The following SPATA1 variants were observed in gnomAD, a reference collection of about 807,000 sequenced individuals.
SPATA1 encodes the protein spermatogenesis associated 1.
SPATA1 carries 57 observed loss-of-function variants against 59.6 expected under a neutral mutation model. The observed-to-expected ratio is 0.96, with a 90% CI of 0.77 to 1.19. SPATA1 has a LOEUF of 1.19. Ranked by LOEUF, SPATA1 falls within the 50% of genes most tolerant of loss-of-function variation. The probability of loss-of-function intolerance (pLI) is 0.00; values close to 1 mark genes in which losing one functional copy is unlikely to be tolerated. For missense variants in SPATA1, 448 were observed against 480.7 expected (o/e 0.93, Z 0.64); for synonymous variants, 147 against 163.9 (o/e 0.90, Z 0.79).
chr1:84,556,656 A>C (rs544438113), downstream of SPATA1, among the ~76,000 whole-genome samples: 334 of 150,132 alleles, frequency 2.2e-3, 4 homozygotes, highest in African/African-American at 7.9e-3. Context: ...AGGTTGCAGT[A>C]AGCTGAGATC....
Position 84,511,262 on chromosome 1 carries a change from A to G in SPATA1, c.-138+4844A>G, listed in dbSNP as rs184065450. ...CTGTATCAAAATATTTCATGTACCC[A>G]TAAATATATACACCTACTACATGCC... On this transcript the variant is annotated intron_variant, in intron 1 of 12. Coordinates refer to ENST00000490879, the Ensembl canonical transcript of SPATA1. Among the ~76,000 whole-genome samples the G allele has an allele frequency of 2.7e-3, 411 of 152,324 alleles. 2 individuals are homozygous for G. The highest frequency in any genetic ancestry group is 4.7e-3 in the Non-Finnish European group (323 of 68,020).
chr1:84,564,664 T>G (rs1684657989), intron 4 of SPATA1, among the ~76,000 whole-genome samples: 1 of 152,156 alleles, frequency 6.6e-6, no homozygotes, highest in Non-Finnish European at 1.5e-5. Flanking sequence ...TAGAACATAA[T>G]TATAATGTCT....
At chr1:84,552,619 T>C (rs1040828548) in intron 12 of SPATA1, 1 of 154,752 alleles carries the variant, frequency 6.5e-6, no homozygotes, top group African/African-American at 2.4e-5. Context: ...AAACACTATA[T>C]TTCTGAAATA....
chr1:84,511,603 T>A (rs562445839), intron 1 of SPATA1, among the ~76,000 whole-genome samples: 14 of 151,496 alleles, frequency 9.2e-5, no homozygotes, highest in Admixed American at 4.6e-4. Context: ...GTTCTAGAAG[T>A]CTAACTACTA....
intron 6 of SPATA1, among the ~76,000 whole-genome samples, chr1:84,528,630 T>C (rs910477659): frequency 2.0e-5 from 3 of 152,214 alleles, no homozygotes; most frequent in African/African-American, 7.2e-5. Context: ...CTGATGGACA[T>C]TTGGTTTGTT....
chr1:84,537,216 G>A (rs934668820), intron 8 of SPATA1, among the ~76,000 whole-genome samples: 1 of 152,120 alleles, frequency 6.6e-6, no homozygotes, highest in Non-Finnish European at 1.5e-5. Flanking sequence ...CCCCGAAGAA[G>A]CCAATTTACA....
intron 8 of SPATA1, among the ~76,000 whole-genome samples, chr1:84,541,154 G>GT (rs1389837078): frequency 6.6e-6 from 1 of 152,194 alleles, no homozygotes; most frequent in African/African-American, 2.4e-5. Context: ...TTCCTTTAAT[G>GT]TGTAATAGTT....
intron 1 of SPATA1, among the ~76,000 whole-genome samples, chr1:84,508,895 A>G (rs547107655): frequency 1.9e-4 from 29 of 152,298 alleles, no homozygotes; most frequent in African/African-American, 6.7e-4. Context: ...ACCATAAAAC[A>G]CTGATGCAAG....
chr1:84,545,216 CA>C (rs1010203754), intron 9 of SPATA1, among the ~76,000 whole-genome samples: 2 of 147,588 alleles, frequency 1.4e-5, no homozygotes, highest in African/African-American at 5.0e-5. Context: ...GACTCCATCT[CA>C]AAAAAATATA....
downstream of SPATA1, among the ~76,000 whole-genome samples, chr1:84,558,873 C>A (rs1018565667): frequency 6.6e-6 from 1 of 151,972 alleles, no homozygotes; most frequent in African/African-American, 2.4e-5. Context: ...TGCACTCCAT[C>A]CTGGGTGACA....
intron 8 of SPATA1, among the ~76,000 whole-genome samples, chr1:84,542,899 A>G (rs1056610018): frequency 6.6e-6 from 1 of 152,178 alleles, no homozygotes; most frequent in Non-Finnish European, 1.5e-5. Context: ...CCCCCTGTGG[A>G]TGCCTGAAAA....
intron 4 of SPATA1, among the ~76,000 whole-genome samples, chr1:84,560,685 C>G (rs1040763532): frequency 2.0e-5 from 3 of 152,262 alleles, no homozygotes; most frequent in African/African-American, 7.2e-5. Context: ...CAGGCTGATT[C>G]TCTTGTTAGG....
At chr1:84,510,885 A>T (rs1682508723) in intron 1 of SPATA1, among the ~76,000 whole-genome samples, 1 of 152,184 alleles carries the variant, frequency 6.6e-6, no homozygotes, top group Admixed American at 6.5e-5. Flanking sequence ...ACTGGATGTC[A>T]TTATGTTAAG....
chr1:84,556,501 G>A (rs951457758), downstream of SPATA1, among the ~76,000 whole-genome samples: 31 of 151,802 alleles, frequency 2.0e-4, no homozygotes, highest in East Asian at 1.6e-3. Context: ...TCATGAGGTC[G>A]AGAGATCGAG....
chr1:84,513,532 T>C (rs903135696), intron 1 of SPATA1, among the ~76,000 whole-genome samples: 1 of 152,200 alleles, frequency 6.6e-6, no homozygotes, highest in African/African-American at 2.4e-5. Context: ...AAGAGCAACA[T>C]AGAGCAGCAG....
chr1:84,548,643 A>AAAGG, intron 10 of SPATA1, 143 bp from the exon 11 acceptor site: 3 of 1,043,250 alleles, frequency 2.9e-6, no homozygotes, highest in Non-Finnish European at 3.7e-6. Context: ...GTATATAAAA[A>AAAGG]AAGGAGAAGA....
intron 4 of SPATA1, among the ~76,000 whole-genome samples, chr1:84,565,250 G>A (rs1437492070): frequency 2.0e-5 from 3 of 151,710 alleles, no homozygotes; most frequent in Non-Finnish European, 4.4e-5. Flanking sequence ...CTTTTATTTA[G>A]TTGACTGATG....
At chr1:84,559,283 T>C (rs1264703497), downstream of SPATA1, among the ~76,000 whole-genome samples, 2 of 152,184 alleles carry the variant, frequency 1.3e-5, no homozygotes, top group Admixed American at 6.5e-5. Flanking sequence ...GATGCTACTA[T>C]TGTAATTGTT....
intron 4 of SPATA1, among the ~76,000 whole-genome samples, chr1:84,523,719 C>T (rs1004720061): frequency 5.9e-5 from 9 of 152,098 alleles, no homozygotes; most frequent in Non-Finnish European, 2.9e-5. Context: ...TATCAGAGTT[C>T]TATTTGGTAC....
Sources: allele counts gnomAD v4.1 joint callset (sites outside exome capture counted in the v4.1 genomes callset), GRCh38; gene constraint gnomAD v4.1.1; transcripts MANE v1.5; gene names NCBI Gene and HGNC (gene_info 2026-07-23, HGNC 2026-07-21).